The following TRPC4 variants were observed in gnomAD, a reference collection of about 807,000 sequenced individuals.
The protein encoded by TRPC4 is transient receptor potential cation channel subfamily C member 4.
A neutral mutation model predicts 99.4 loss-of-function variants in TRPC4; 49 were observed. The ratio of observed to expected loss-of-function variants is 0.49; its 90% confidence interval spans 0.39 to 0.63. The LOEUF (loss-of-function observed/expected upper bound fraction) is 0.63, where lower values mean the gene tolerates loss of function less well. Among genes scored for constraint, TRPC4 ranks in the 20% least tolerant of loss-of-function variants. The pLI, the probability that TRPC4 is intolerant of heterozygous loss-of-function variation, is 0.00. For missense variants in TRPC4, 898 were observed against 1,152.9 expected, an observed-to-expected ratio of 0.78 and a Z score of 3.20; for synonymous variants, 454 against 425.9, an observed-to-expected ratio of 1.07 and a Z score of -0.81.
At chr13:37,732,534 T>C (rs1247532614) in intron 3 of TRPC4, among the ~76,000 whole-genome samples, 1 of 152,054 alleles carries the variant, frequency 6.6e-6, no homozygotes, top group Non-Finnish European at 1.5e-5. Flanking sequence ...ATTAACCCTG[T>C]TCAACGACGA....
chr13:37,813,042 T>A (rs1031126298), intron 1 of TRPC4, among the ~76,000 whole-genome samples: 1 of 151,694 alleles, frequency 6.6e-6, no homozygotes, highest in Non-Finnish European at 1.5e-5. Context: ...ACCCAAAATA[T>A]CTTTCCAAAC....
intron 1 of TRPC4, among the ~76,000 whole-genome samples, chr13:37,800,918 A>C (rs1471389989): frequency 6.6e-6 from 1 of 152,006 alleles, no homozygotes; most frequent in Non-Finnish European, 1.5e-5. Flanking sequence ...TTTAAGCTGA[A>C]AATCAGTAAA....
intron 1 of TRPC4, among the ~76,000 whole-genome samples, chr13:37,785,048 A>G (rs1956934897): frequency 6.6e-6 from 1 of 152,096 alleles, no homozygotes; most frequent in African/African-American, 2.4e-5. Context: ...GCTGATTATA[A>G]CTTTAGTATT....
Position 37,650,004 on chromosome 13 carries a change from C to T in TRPC4, c.2079+1261G>A, listed in dbSNP as rs900162735. 3.9e-5 allele frequency among the ~76,000 whole-genome samples: 6 copies of T among 152,076 alleles called. No individual in the cohort carries two copies. In the South Asian group the frequency reaches 8.3e-4, roughly 21 times the overall value. On this transcript the variant is annotated intron_variant, in intron 8 of 10. Coordinates refer to ENST00000379705, the MANE Select transcript of TRPC4 (RefSeq NM_016179.4). ...ATGGGAAAGAATAGAACTGCATCTC[C>T]TAATCACCTCTTTGTAACATTCACT...
intron 4 of TRPC4, among the ~76,000 whole-genome samples, chr13:37,682,414 G>T (rs2138818744): frequency 6.6e-6 from 1 of 152,274 alleles, no homozygotes; most frequent in African/African-American, 2.4e-5. Context: ...TCTGTTCAAA[G>T]ATAAATTTAA....
chr13:37,722,514 G>A (rs1954906269), intron 3 of TRPC4, among the ~76,000 whole-genome samples: 2 of 152,122 alleles, frequency 1.3e-5, no homozygotes, highest in Admixed American at 6.6e-5. Context: ...TGAATGGTCA[G>A]TCTTTTTAAC....
rs1191385422 is a variant in TRPC4, at chr13:37,745,526, ATG to A, written c.897+409_897+410del. Reference sequence around the variant, plus strand: ...TATATATGTATATATATACGTATATATGTATATATACGTATATATATATATAT... The same window carrying A: ...TATATATGTATATATATACGTATATATATATATACGTATATATATATATAT... On this transcript the variant is annotated intron_variant, in intron 3 of 10. Coordinates refer to ENST00000379705, the MANE Select transcript of TRPC4 (RefSeq NM_016179.4). 2.7e-4 allele frequency among the ~76,000 whole-genome samples: 25 copies of A among 90,926 alleles called. 1 individual carries two copies. Among genetic ancestry groups the A allele is most frequent in the Non-Finnish European group, 3.2e-4 (16 of 50,502 alleles). 59.7% of individuals were successfully genotyped at this position (90,926 alleles called of 152,430 possible).
intron 4 of TRPC4, among the ~76,000 whole-genome samples, chr13:37,686,339 T>C (rs981783056): frequency 1.3e-5 from 2 of 152,124 alleles, no homozygotes; most frequent in Non-Finnish European, 2.9e-5. Flanking sequence ...TATATGTATG[T>C]GTATATATGT....
rs117232394 is a variant in TRPC4 at position 37,648,610 on chromosome 13, C to T, written c.2079+2655G>A. Among the ~76,000 whole-genome samples the T allele has an allele frequency of 1.3e-4, 19 of 151,804 alleles. No individual in the cohort carries two copies. In the East Asian group the frequency reaches 3.7e-3, roughly 29 times the overall value. On this transcript the variant is annotated intron_variant, in intron 8 of 10. Coordinates refer to ENST00000379705, the MANE Select transcript of TRPC4 (RefSeq NM_016179.4). ...TTCAAATTACCTTGCTGTGCATCAG[C>T]TTGGAGCAAAAAATTCAAATATAAA...
chr13:37,676,368 G>A (rs562846054), intron 4 of TRPC4, among the ~76,000 whole-genome samples: 2 of 110,094 alleles, frequency 1.8e-5, no homozygotes, highest in South Asian at 3.6e-4. Context: ...ACAAGGCAAT[G>A]GAGTAACATC....
chr13:37,726,788 A>C (rs1955077203), intron 3 of TRPC4, among the ~76,000 whole-genome samples: 1 of 152,178 alleles, frequency 6.6e-6, no homozygotes. Context: ...TAGTAACAAA[A>C]GGGAGAAAGA....
At chr13:37,769,618 T>C (rs1293680096) in intron 2 of TRPC4, among the ~76,000 whole-genome samples, 1 of 151,498 alleles carries the variant, frequency 6.6e-6, no homozygotes, top group Non-Finnish European at 1.5e-5. Context: ...TAGACAACTT[T>C]TAGCTCAGGG....
intron 1 of TRPC4, among the ~76,000 whole-genome samples, chr13:37,811,758 C>A (rs1467269462): frequency 6.6e-6 from 1 of 152,040 alleles, no homozygotes; most frequent in Non-Finnish European, 1.5e-5. Flanking sequence ...AACGGAAAAA[C>A]CAAATAATTT....
intron 1 of TRPC4, among the ~76,000 whole-genome samples, chr13:37,843,681 GACACACACAC>G (rs5802907): frequency 9.7e-4 from 130 of 134,134 alleles, no homozygotes; most frequent in Non-Finnish European, 1.7e-3. Context: ...GATGTTTGGT[GACACACACAC>G]ACACACACAC....
chr13:37,664,923 C>A (rs1389036064), intron 5 of TRPC4, among the ~76,000 whole-genome samples: 1 of 152,132 alleles, frequency 6.6e-6, no homozygotes, highest in Non-Finnish European at 1.5e-5. Context: ...CAGACTCTTG[C>A]TTGACTGGCA....
chr13:37,805,843 G>A (rs1471521546), intron 1 of TRPC4, among the ~76,000 whole-genome samples: 4 of 151,942 alleles, frequency 2.6e-5, no homozygotes, highest in Admixed American at 1.3e-4. Context: ...TAGTTTCTAT[G>A]TAAAGAGTTT....
At chr13:37,758,794 T>C (rs969147662) in intron 2 of TRPC4, among the ~76,000 whole-genome samples, 13 of 151,616 alleles carry the variant, frequency 8.6e-5, no homozygotes, top group Admixed American at 5.3e-4. Flanking sequence ...ACAATGGATA[T>C]AATAAGTGTG....
intron 1 of TRPC4, among the ~76,000 whole-genome samples, chr13:37,836,279 C>T (rs60480628): frequency 6.6e-6 from 1 of 152,120 alleles, no homozygotes; most frequent in East Asian, 1.9e-4. Flanking sequence ...AAGTTGGTAC[C>T]AAGAATGAGA....
At chr13:37,807,352 C>A (rs1230618062) in intron 1 of TRPC4, among the ~76,000 whole-genome samples, 3 of 151,902 alleles carry the variant, frequency 2.0e-5, no homozygotes, top group Non-Finnish European at 4.4e-5. Context: ...AAACAGTATC[C>A]TAAAATATGG....
Sources: allele counts gnomAD v4.1 joint callset (sites outside exome capture counted in the v4.1 genomes callset), GRCh38; gene constraint gnomAD v4.1.1; transcripts MANE v1.5; gene names NCBI Gene and HGNC (gene_info 2026-07-23, HGNC 2026-07-21).